TSBP1: variants seen among roughly 807,000 people sequenced by gnomAD.
TSBP1 encodes testis-expressed basic protein 1.
TSBP1 carries 56 observed loss-of-function variants against 68.8 expected under a neutral mutation model. That is an observed-to-expected ratio of 0.81 (90% confidence interval 0.66 to 1.02). TSBP1 has a LOEUF of 1.02. Ranked by LOEUF, TSBP1 falls within the 50% of genes least tolerant of loss-of-function variation. The probability of loss-of-function intolerance (pLI) is 0.00; values close to 1 mark genes in which losing one functional copy is unlikely to be tolerated. For missense variants in TSBP1, 502 were observed against 641.2 expected (o/e 0.78, Z 2.34); for synonymous variants, 171 against 208.7 (o/e 0.82, Z 1.56).
intron 16 of TSBP1, among the ~76,000 whole-genome samples, chr6:32,327,378 C>T (rs1402795267): frequency 6.6e-6 from 1 of 151,996 alleles, no homozygotes; most frequent in African/African-American, 2.4e-5. Context: ...TTCAGTTCTC[C>T]CTTGATAGGC....
rs117698418 is a variant in TSBP1 at position 32,357,149 on chromosome 6, G to A, written c.218-1480C>T. 1.0e-2 allele frequency among the ~76,000 whole-genome samples: 1,518 copies of A among 152,242 alleles called. 48 individuals are homozygous for A. The highest frequency in any genetic ancestry group is 0.089 in the East Asian group (462 of 5,180). ...TGACTGAGATTTATAGGTTATGTTAGGGGGACTGGAAAGTCAGAGAAATAG... is the reference window on the plus strand; with the variant it reads ...TGACTGAGATTTATAGGTTATGTTAAGGGGACTGGAAAGTCAGAGAAATAG... On this transcript the variant is annotated intron_variant, in intron 6 of 22. Transcript: ENST00000612031. The surrounding 1 kb of genome is among the most constrained non-coding windows in gnomAD (Gnocchi z 4.7).
rs9281761 is a variant in TSBP1, at chr6:32,369,373, ATTTTTT to A, written c.100+518_100+523del. ...CTTATTACTTTTGCTAAACTCTGTGATTTTTTTTTTTTTTTGAGATGGAGTCTTGCA... is the reference window on the plus strand; with the variant it reads ...CTTATTACTTTTGCTAAACTCTGTGATTTTTTTTTGAGATGGAGTCTTGCA... On this transcript the variant is annotated intron_variant, in intron 2 of 22. Coordinates refer to ENST00000612031, the Ensembl canonical transcript of TSBP1. Among the ~76,000 whole-genome samples the A allele has an allele frequency of 7.1e-5, 9 of 127,024 alleles. 1 individual carries two copies. Among genetic ancestry groups the A allele is most frequent in the African/African-American group, 2.6e-4 (9 of 34,232 alleles). 83.3% of individuals were successfully genotyped at this position (127,024 alleles called of 152,430 possible).
chr6:32,293,206 C>G (rs1764333666), exon 23 of TSBP1: 1 of 1,612,632 alleles, frequency 6.2e-7, no homozygotes, highest in African/African-American at 1.3e-5. Context: ...AACTCTCCTT[C>G]TTTTCTTGGG....
At chr6:32,299,935 T>C (rs200310530) in exon 22 of TSBP1, 8 of 1,609,228 alleles carry the variant, frequency 5.0e-6, no homozygotes, top group Non-Finnish European at 6.0e-6. Flanking sequence ...CAGGAGTCAG[T>C]GCTAAAAACA....
rs1768098649 is a variant in TSBP1 at position 32,325,299 on chromosome 6, T to C, written c.515-1685A>G. ...GAGGGTTGAGCTTTGAAACAACTGA[T>C]GAGAGCCTGAGGAGCCATTTTGAGC... On this transcript the variant is annotated intron_variant, in intron 16 of 22. Transcript: ENST00000612031. The surrounding 1 kb of genome is among the most constrained non-coding windows in gnomAD (Gnocchi z 4.4). 7 of 1,403,546 alleles carry C rather than the reference T, an allele frequency of 5.0e-6. No individual in the cohort carries two copies. In the South Asian group the frequency reaches 6.0e-5, roughly 12 times the overall value. The allele number at this position is 1,403,546 out of a possible 1,614,324, so 86.9% of individuals were successfully genotyped here. A position where few individuals can be genotyped will look rare whatever the true frequency, so the allele number is the denominator to read the frequency against.
intron 19 of TSBP1, among the ~76,000 whole-genome samples, chr6:32,308,055 A>C (rs972774228): frequency 3.9e-5 from 6 of 152,018 alleles, no homozygotes; most frequent in Admixed American, 6.6e-5. Flanking sequence ...AATTACAGGC[A>C]TGAGCCACCG....
At chr6:32,354,778 C>T (rs976937791) in intron 8 of TSBP1, among the ~76,000 whole-genome samples, 1 of 151,620 alleles carries the variant, frequency 6.6e-6, no homozygotes, top group African/African-American at 2.4e-5. Context: ...AAATGCAAAT[C>T]GTAATGATAC....
rs1426323314 is a variant in TSBP1 at position 32,316,962 on chromosome 6, C to T, written c.560-1170G>A. Among the ~76,000 whole-genome samples, 1 of 152,134 alleles carries T rather than the reference C, an allele frequency of 6.6e-6. No homozygotes were observed. The highest frequency in any genetic ancestry group is 1.5e-5 in the Non-Finnish European group (1 of 68,026). ...AAAATTTCTCCTCCCTATTCTGAGT[C>T]AGTGTGCCTGAGACTGGCCACTAGG... On this transcript the variant is annotated intron_variant, in intron 18 of 22. Transcript: ENST00000612031. This position sits in a 1 kb window ranked among gnomAD's most constrained non-coding sequence, Gnocchi z 4.5.
At chr6:32,317,961 G>A (rs773925885) in intron 18 of TSBP1, among the ~76,000 whole-genome samples, 30 of 152,216 alleles carry the variant, frequency 2.0e-4, no homozygotes, top group Admixed American at 7.2e-4. Flanking sequence ...CTGGCTATAT[G>A]CCCAAAGTAA....
Position 32,302,535 on chromosome 6 carries a change from A to G in TSBP1, c.601+74T>C. The stretch of plus-strand genomic sequence containing the variant: ...ACAAAAACAAACATAAAACATTAAA[A>G]ACATTTGTAGAAAAAATTTGCTCAC... On this transcript the variant is annotated intron_variant, in intron 20 of 22. Transcript: ENST00000612031. The surrounding 1 kb of genome is among the most constrained non-coding windows in gnomAD (Gnocchi z 5.1). 1 of 950,692 alleles carries G rather than the reference A, an allele frequency of 1.1e-6. No individual in the cohort carries two copies. Among genetic ancestry groups the G allele is most frequent in the African/African-American group, 1.7e-5 (1 of 59,752 alleles). 58.9% of individuals were successfully genotyped at this position (950,692 alleles called of 1,614,324 possible). A position where few individuals can be genotyped will look rare whatever the true frequency, so the allele number is the denominator to read the frequency against.
intron 22 of TSBP1, among the ~76,000 whole-genome samples, chr6:32,295,778 C>T (rs1250334395): frequency 6.6e-6 from 1 of 151,550 alleles, no homozygotes; most frequent in Non-Finnish European, 1.5e-5. Flanking sequence ...TCAATCAAGA[C>T]AAGGCATTCT....
At chr6:32,301,538 G>A (rs1422066427) in intron 20 of TSBP1, among the ~76,000 whole-genome samples, 12 of 150,126 alleles carry the variant, frequency 8.0e-5, no homozygotes, top group Non-Finnish European at 1.6e-4. Context: ...AACATAATGA[G>A]ATCCCCATCT....
intron 19 of TSBP1, among the ~76,000 whole-genome samples, chr6:32,307,916 C>T (rs1236973511): frequency 1.3e-5 from 2 of 151,910 alleles, no homozygotes; most frequent in African/African-American, 2.4e-5. Flanking sequence ...GCTGGGATGA[C>T]AAGCATGTGC....
intron 10 of TSBP1, 89 bp downstream of exon 11, chr6:32,339,511 G>A (rs1224886272): frequency 1.3e-6 from 1 of 778,624 alleles, no homozygotes; most frequent in Non-Finnish European, 2.3e-6. Context: ...TGGTATGCAT[G>A]TATCAAAATA....
chr6:32,302,470 A>G lies in TSBP1; in HGVS notation c.601+139T>C, dbSNP rs897440602. On this transcript the variant is annotated intron_variant, in intron 20 of 22. Coordinates refer to ENST00000612031, the Ensembl canonical transcript of TSBP1. This position sits in a 1 kb window ranked among gnomAD's most constrained non-coding sequence, Gnocchi z 5.1. ...CCCTGTCTCAGAACAAAACAAAACCAAAAACACCAAACAAACCAAAAAACA... is the reference window on the plus strand; with the variant it reads ...CCCTGTCTCAGAACAAAACAAAACCGAAAACACCAAACAAACCAAAAAACA... 1.8e-5 allele frequency: 13 copies of G among 704,132 alleles called. No homozygotes were observed. In the African/African-American group the frequency reaches 2.4e-4, roughly 13 times the overall value. The allele number at this position is 704,132 out of a possible 1,614,324, so 43.6% of individuals were successfully genotyped here.
intron 9 of TSBP1, among the ~76,000 whole-genome samples, chr6:32,341,826 T>G (rs1440016162): frequency 6.6e-6 from 1 of 152,206 alleles, no homozygotes; most frequent in Non-Finnish European, 1.5e-5. Flanking sequence ...ATGATATATT[T>G]AATTCCATCT....
chr6:32,348,400 A>C (rs894187056), intron 9 of TSBP1, among the ~76,000 whole-genome samples: 1 of 138,316 alleles, frequency 7.2e-6, no homozygotes, highest in African/African-American at 2.5e-5. Context: ...ACAGTTGTAT[A>C]TACAACAAAA....
chr6:32,342,536 T>C (rs1284376909), intron 9 of TSBP1, among the ~76,000 whole-genome samples: 1 of 152,152 alleles, frequency 6.6e-6, no homozygotes, highest in Non-Finnish European at 1.5e-5. Context: ...TAATGAGAGA[T>C]TAAATAACTT....
chr6:32,310,338 A>G (rs1380854373), intron 19 of TSBP1, among the ~76,000 whole-genome samples: 1 of 152,050 alleles, frequency 6.6e-6, no homozygotes, highest in Admixed American at 6.5e-5. Context: ...CTGAGGATTT[A>G]TGTCTCTTTT....
Sources: allele counts gnomAD v4.1 joint callset (sites outside exome capture counted in the v4.1 genomes callset), GRCh38; gene constraint gnomAD v4.1.1; non-coding constraint Gnocchi (gnomAD v3.1); transcripts MANE v1.5; gene names NCBI Gene and HGNC (gene_info 2026-07-23, HGNC 2026-07-21).